The following SRPRB variants were observed in gnomAD, a reference collection of about 807,000 sequenced individuals.
The protein encoded by SRPRB is SRP receptor subunit beta.
SRPRB carries 20 observed loss-of-function variants against 31.9 expected under a neutral mutation model. That is an observed-to-expected ratio of 0.63 (90% CI 0.44 to 0.91). The LOEUF (loss-of-function observed/expected upper bound fraction) is 0.91. SRPRB is among the 40% of genes least tolerant of loss of function. SRPRB has a pLI of 0.00. For synonymous variants in SRPRB, 146 were observed against 132.8 expected (o/e 1.10, Z -0.68); for missense variants, 321 against 324.9 (o/e 0.99, Z 0.09).
upstream of SRPRB, among the ~76,000 whole-genome samples, chr3:133,804,032 C>G (rs1358535000): frequency 3.0e-5 from 4 of 131,942 alleles, no homozygotes; most frequent in Non-Finnish European, 1.5e-5. Flanking sequence ...GGAGGCGGAG[C>G]TTGCAGTGAG....
At chr3:133,825,346 C>A (rs1032253295), downstream of SRPRB, 2 of 152,264 alleles carry the variant, frequency 1.3e-5, no homozygotes, top group African/African-American at 4.8e-5. Flanking sequence ...CCAGATGTGT[C>A]TGCACTCTTA....
At chr3:133,828,554 G>A (rs2107983691), downstream of SRPRB, 1 of 573,250 alleles carries the variant, frequency 1.7e-6, no homozygotes, top group Admixed American at 3.3e-5. Context: ...TCTTAATAAA[G>A]TACAATATAT....
intron 1 of SRPRB, among the ~76,000 whole-genome samples, chr3:133,798,759 A>C (rs1186468204): frequency 6.6e-6 from 1 of 152,218 alleles, no homozygotes; most frequent in Non-Finnish European, 1.5e-5. Context: ...CTATACACAC[A>C]CAGGACCTAG....
intron 2 of SRPRB, 27 bp from the exon 3 acceptor site, chr3:133,807,719 A>AT: frequency 4.0e-6 from 6 of 1,512,148 alleles, no homozygotes; most frequent in Non-Finnish European, 5.5e-6. Context: ...AAAATGTTGA[A>AT]TATCACCCAT....
chr3:133,828,458 CAAAT>C, downstream of SRPRB: 1 of 405,972 alleles, frequency 2.5e-6, no homozygotes, highest in Non-Finnish European at 4.4e-6. Context: ...GCACATCTTT[CAAAT>C]AAAAATGACT....
downstream of SRPRB, chr3:133,827,746 ACCCCCCCCC>A: frequency 5.5e-5 from 4 of 72,114 alleles, 2 homozygotes; most frequent in South Asian, 2.4e-4. Flanking sequence ...TGCAGACAAC[ACCCCCCCCC>A]CCCCCCGCCT....
At chr3:133,803,135 G>C (rs943990979), upstream of SRPRB, among the ~76,000 whole-genome samples, 3 of 151,910 alleles carry the variant, frequency 2.0e-5, no homozygotes, top group Admixed American at 2.0e-4. Flanking sequence ...CCTAAATACT[G>C]CATCTTTTGC....
chr3:133,785,453 T>G (rs1162247926), intron 1 of SRPRB: 9 of 98,664 alleles, frequency 9.1e-5, no homozygotes, highest in Admixed American at 9.6e-5. Flanking sequence ...GGTGGGGGGG[T>G]CAGCCCCCCG....
intron 3 of SRPRB, among the ~76,000 whole-genome samples, chr3:133,809,683 A>G (rs1469508617): frequency 6.6e-6 from 1 of 152,172 alleles, no homozygotes. Flanking sequence ...TTGAGCACCT[A>G]AACTAGGACT....
intron 1 of SRPRB, chr3:133,791,773 G>T (rs539434224): frequency 5.5e-4 from 84 of 152,180 alleles, no homozygotes; most frequent in African/African-American, 1.9e-3. Flanking sequence ...TGGCAGCCTG[G>T]GTTTAGGGTT....
In SRPRB at chr3:133,819,962, G is replaced by A. The variant is rs920336708; in HGVS notation, c.*196G>A. 12 of 559,972 alleles carry A rather than the reference G, an allele frequency of 2.1e-5. No homozygotes were observed. Among genetic ancestry groups the A allele is most frequent in the Non-Finnish European group, 3.8e-5 (12 of 317,380 alleles). The allele number at this position is 559,972 out of a possible 1,614,324, so 34.7% of individuals were successfully genotyped here. On this transcript the variant is annotated 3_prime_UTR_variant, in exon 7 of 7. Transcript: ENST00000678299. ...TTAAGTTCAGTTCTCCCTTATGGCT[G>A]CCTTTCAAACAAGTACCTTTTATCT...
chr3:133,817,706 T>TAA (rs1188665018), intron 6 of SRPRB, among the ~76,000 whole-genome samples: 3 of 152,200 alleles, frequency 2.0e-5, no homozygotes, highest in Admixed American at 1.3e-4. Context: ...AAAAACTGTA[T>TAA]AAATTCAACT....
At chr3:133,810,202 A>G (rs574226212) in intron 3 of SRPRB, 1 of 152,348 alleles carries the variant, frequency 6.6e-6, no homozygotes, top group South Asian at 2.1e-4. Context: ...ATTTGTCTAT[A>G]AAGAAATGCA....
downstream of SRPRB, chr3:133,828,563 A>G (rs1210124186): frequency 1.6e-6 from 1 of 608,064 alleles, no homozygotes; most frequent in African/African-American, 1.9e-5. Context: ...AGTACAATAT[A>G]TTACAACCAA....
chr3:133,810,433 C>T (rs1935239052), intron 3 of SRPRB: 1 of 152,176 alleles, frequency 6.6e-6, no homozygotes, highest in South Asian at 2.1e-4. Flanking sequence ...TTCACCATTC[C>T]AGGCCTTGAC....
chr3:133,789,232 T>C (rs1325708508), intron 1 of SRPRB: 1 of 152,356 alleles, frequency 6.6e-6, no homozygotes, highest in Non-Finnish European at 1.5e-5. Context: ...TTGGCCCCAA[T>C]ATGGTTTGGA....
At chr3:133,810,925 G>C (rs1362870306) in intron 3 of SRPRB, 192 bp from the exon 4 acceptor site, 2 of 479,324 alleles carry the variant, frequency 4.2e-6, no homozygotes, top group Non-Finnish European at 7.3e-6. Flanking sequence ...AATTTTGCCA[G>C]ATCAGGAACC....
intron 6 of SRPRB, among the ~76,000 whole-genome samples, chr3:133,817,434 T>C (rs554332298): frequency 8.5e-5 from 13 of 152,366 alleles, no homozygotes; most frequent in African/African-American, 2.2e-4. Context: ...TGAGGAAGAC[T>C]ACAAGTCTTT....
Position 133,819,677 on chromosome 3 carries a change from T to A in SRPRB, c.727T>A (p.Phe243Ile), listed in dbSNP as rs1935433928. ...CTCACAGTTGCCCCTCAAAGTGGAG[T>A]TCCTGGAGTGCAGTGCCAAGGGTGG... is the stretch of plus-strand genomic sequence containing the variant. ...EFSQLPLKVE[F>I]LECSAKGGRG... Residue 243 changes from phenylalanine to isoleucine, a missense_variant, in exon 7 of 7, where the codon TTC becomes ATC. Phe to Ile is a conservative substitution (Grantham distance 21). Coordinates refer to ENST00000678299, the MANE Select transcript of SRPRB (RefSeq NM_001379313.1). 2.5e-6 allele frequency: 4 copies of A among 1,613,928 alleles called. No individual in the cohort carries two copies. The South Asian group carries it at 3.3e-5, about 13-fold the overall frequency.
Sources: allele counts gnomAD v4.1 joint callset (sites outside exome capture counted in the v4.1 genomes callset), GRCh38; gene constraint gnomAD v4.1.1; transcripts MANE v1.5; gene names NCBI Gene and HGNC (gene_info 2026-07-23, HGNC 2026-07-21).